STIM2: variants seen among roughly 807,000 people sequenced by gnomAD.
STIM2 encodes the protein stromal interaction molecule 2.
A neutral mutation model predicts 85.8 loss-of-function variants in STIM2; 31 were observed. That is an observed-to-expected ratio of 0.36 (90% CI 0.27 to 0.49). STIM2 has a LOEUF of 0.49. Among genes scored for constraint, STIM2 ranks in the 20% least tolerant of loss-of-function variants. The pLI is 0.98. For missense variants in STIM2, 841 were observed against 927.6 expected (o/e 0.91, Z 1.21); for synonymous variants, 356 against 331.1 (o/e 1.08, Z -0.82).
rs150171312 is a variant in STIM2 at position 26,953,399 on chromosome 4, G to A, written c.283-4213G>A. Among the ~76,000 whole-genome samples the A allele has an allele frequency of 2.4e-4, 36 of 152,144 alleles. No homozygotes were observed. In the East Asian group the frequency reaches 6.6e-3, roughly 28 times the overall value. On this transcript the variant is annotated intron_variant, in intron 2 of 11. Transcript: ENST00000467087. ...TTTAATTTAATCTTTGTAACCTTATGTAGTAGACAATTTTATTTTCCTCAT... is the reference window on the plus strand; with the variant it reads ...TTTAATTTAATCTTTGTAACCTTATATAGTAGACAATTTTATTTTCCTCAT...
chr4:26,945,678 A>G (rs1411283953), intron 2 of STIM2, among the ~76,000 whole-genome samples: 1 of 151,874 alleles, frequency 6.6e-6, no homozygotes, highest in Admixed American at 6.6e-5. Flanking sequence ...TGTGGTTTTG[A>G]TTTGCATTTC....
rs559093107 is a variant in STIM2 at position 26,980,696 on chromosome 4, T to A, written c.398-14683T>A. Among the ~76,000 whole-genome samples, 78 of 152,318 alleles carry A rather than the reference T, an allele frequency of 5.1e-4. 1 individual carries two copies. Among genetic ancestry groups the A allele is most frequent in the African/African-American group, 1.8e-3 (75 of 41,574 alleles). ...GTTTTAGGAATTTAAACTAATGTAA[T>A]CACTGTGTTTCTAAAAAGACTGCTA... On this transcript the variant is annotated intron_variant, in intron 3 of 11. Transcript: ENST00000467087.
At chr4:26,984,050 A>G (rs564227531) in intron 3 of STIM2, among the ~76,000 whole-genome samples, 198 of 152,356 alleles carry the variant, frequency 1.3e-3, no homozygotes, top group African/African-American at 4.6e-3. Flanking sequence ...TTTGGAAAAT[A>G]GCACCCTCTT....
intron 1 of STIM2, among the ~76,000 whole-genome samples, chr4:26,914,444 C>T (rs1330018427): frequency 6.6e-6 from 1 of 152,186 alleles, no homozygotes; most frequent in Non-Finnish European, 1.5e-5. Context: ...TGAAGCCTTT[C>T]TTGCTGTGCA....
Position 26,861,029 on chromosome 4 carries a change from C to T in STIM2, c.-190C>T, listed in dbSNP as rs1274708484. 8 of 1,230,670 alleles carry T rather than the reference C, an allele frequency of 6.5e-6. No individual in the cohort carries two copies. Among genetic ancestry groups the T allele is most frequent in the Non-Finnish European group, 8.1e-6 (8 of 981,840 alleles). 76.2% of individuals were successfully genotyped at this position (1,230,670 alleles called of 1,614,324 possible). On this transcript the variant is annotated 5_prime_UTR_variant, in exon 1 of 12. Coordinates refer to ENST00000467087, the MANE Select transcript of STIM2 (RefSeq NM_020860.4). ...GGACCAGGCTGGCGCCCGGCGGGAG[C>T]CCGTGTCTGAGGCGGCGGGGGCGGC... is the stretch of plus-strand genomic sequence containing the variant.
At chr4:27,016,071 A>G (rs1728722916) in intron 10 of STIM2, among the ~76,000 whole-genome samples, 1 of 151,914 alleles carries the variant, frequency 6.6e-6, no homozygotes, top group Admixed American at 6.5e-5. Context: ...CTAGCTTACT[A>G]ATTATTTCTT....
chr4:26,909,366 G>A (rs999858614), intron 1 of STIM2, among the ~76,000 whole-genome samples: 1 of 152,166 alleles, frequency 6.6e-6, no homozygotes, highest in Non-Finnish European at 1.5e-5. Context: ...GGAAATTAAG[G>A]CAAAGTAGTT....
intron 10 of STIM2, among the ~76,000 whole-genome samples, chr4:27,012,457 T>G (rs1250861426): frequency 5.0e-4 from 5 of 10,100 alleles, no homozygotes; most frequent in Non-Finnish European, 3.9e-3. Flanking sequence ...AAAAAAAGAT[T>G]AATTTTAGGT....
chr4:26,928,800 T>C (rs995199786), intron 2 of STIM2, among the ~76,000 whole-genome samples: 23 of 152,348 alleles, frequency 1.5e-4, no homozygotes, highest in African/African-American at 5.3e-4. Flanking sequence ...ATTTTAGGCA[T>C]GTTGTAATAA....
At chr4:26,999,100 G>T (rs1209440125) in intron 4 of STIM2, 132 bp from the exon 5 acceptor site, 3 of 319,586 alleles carry the variant, frequency 9.4e-6, no homozygotes, top group African/African-American at 6.6e-5. Flanking sequence ...AATCACACAT[G>T]GATGAGCTCC....
intron 3 of STIM2, among the ~76,000 whole-genome samples, chr4:26,972,053 G>A (rs1385000786): frequency 2.6e-5 from 4 of 152,056 alleles, no homozygotes; most frequent in African/African-American, 9.7e-5. Flanking sequence ...TCTGTTACTG[G>A]TGTATAAGAA....
At chr4:26,957,513 A>C (rs775973943) in intron 2 of STIM2, 99 bp from the exon 3 acceptor site, 11 of 658,566 alleles carry the variant, frequency 1.7e-5, no homozygotes, top group Non-Finnish European at 2.2e-5. Context: ...TTACTGTTTG[A>C]AAATAGTCAC....
chr4:26,990,979 G>A (rs1727746166), intron 3 of STIM2, among the ~76,000 whole-genome samples: 1 of 152,122 alleles, frequency 6.6e-6, no homozygotes, highest in Non-Finnish European at 1.5e-5. Context: ...CATACTATTT[G>A]TGGGAATGTA....
At position 26,861,111 on chromosome 4, in the gene STIM2, G is replaced by C; in HGVS notation, c.-108G>C. On this transcript the variant is annotated 5_prime_UTR_variant, in exon 1 of 12. Transcript: ENST00000467087. Reference sequence around the variant, plus strand: ...TCGCGGAGCCGGCGAGCTGCAGGCGGCCGGGGCGCCGCTGCGCTTTCACCC... The same window carrying C: ...TCGCGGAGCCGGCGAGCTGCAGGCGCCCGGGGCGCCGCTGCGCTTTCACCC... The C allele has an allele frequency of 8.3e-7, 1 of 1,204,038 alleles. No homozygotes were observed. The highest frequency in any genetic ancestry group is 3.6e-5 in the East Asian group (1 of 27,774). 74.6% of individuals were successfully genotyped at this position (1,204,038 alleles called of 1,614,324 possible).
chr4:26,969,889 C>T (rs927984414), intron 3 of STIM2, among the ~76,000 whole-genome samples: 1 of 151,994 alleles, frequency 6.6e-6, no homozygotes, highest in Admixed American at 6.6e-5. Flanking sequence ...TTAATAAATT[C>T]CTCTGCATAA....
chr4:27,009,909 C>A (rs188177513), intron 10 of STIM2, among the ~76,000 whole-genome samples: 2 of 152,226 alleles, frequency 1.3e-5, no homozygotes, highest in East Asian at 3.9e-4. Flanking sequence ...CCTTAAAATC[C>A]GTGTTTAATA....
At chr4:26,954,415 CTACATTATTTGCCG>C (rs1260609198) in intron 2 of STIM2, among the ~76,000 whole-genome samples, 1 of 126,450 alleles carries the variant, frequency 7.9e-6, no homozygotes, top group Non-Finnish European at 1.7e-5. Flanking sequence ...CCAGGGAACT[CTACATTATTTGCCG>C]TACATTATTT....
At chr4:26,867,577 G>A (rs991120122) in intron 1 of STIM2, among the ~76,000 whole-genome samples, 3 of 152,070 alleles carry the variant, frequency 2.0e-5, no homozygotes, top group South Asian at 2.1e-4. Flanking sequence ...AAGTCTCTCC[G>A]ACCCCTTAGC....
At chr4:26,930,454 C>T (rs1160245601) in intron 2 of STIM2, among the ~76,000 whole-genome samples, 1 of 139,674 alleles carries the variant, frequency 7.2e-6, no homozygotes, top group Non-Finnish European at 1.5e-5. Flanking sequence ...ATTTTACCAC[C>T]TGGAATAGGT....
Sources: allele counts gnomAD v4.1 joint callset (sites outside exome capture counted in the v4.1 genomes callset), GRCh38; gene constraint gnomAD v4.1.1; transcripts MANE v1.5; gene names NCBI Gene and HGNC (gene_info 2026-07-23, HGNC 2026-07-21).